Variants in MITF observed in about 807,000 individuals in gnomAD.
MITF encodes melanocyte inducing transcription factor.
MITF carries 17 observed loss-of-function variants against 60.5 expected under a neutral mutation model. The ratio of observed to expected loss-of-function variants is 0.28; its 90% CI spans 0.19 to 0.42. The LOEUF (loss-of-function observed/expected upper bound fraction) is 0.42. Ranked by LOEUF, MITF falls within the 10% of genes least tolerant of loss-of-function variation. The pLI, the probability that MITF is intolerant of heterozygous loss-of-function variation, is 1.00. For synonymous variants in MITF, 260 were observed against 248.5 expected (o/e 1.05, Z -0.43); for missense variants, 622 against 683.5 (o/e 0.91, Z 1.00).
chr3:69,838,722 A>G (rs1195187093), intron 1 of MITF: 3 of 152,652 alleles, frequency 2.0e-5, no homozygotes, highest in South Asian at 2.1e-4. Context: ...CTGTAAATCA[A>G]TATTGCCTGC....
At chr3:69,866,652 G>A (rs2064121639) in intron 1 of MITF, among the ~76,000 whole-genome samples, 1 of 152,084 alleles carries the variant, frequency 6.6e-6, no homozygotes, top group Non-Finnish European at 1.5e-5. Flanking sequence ...TACCGCGACT[G>A]CTTGAAAAAT....
At chr3:69,936,504 A>C in intron 2 of MITF, 1 of 1,133,384 alleles carries the variant, frequency 8.8e-7, no homozygotes, top group Non-Finnish European at 1.2e-6. Flanking sequence ...GGCTTCCAAA[A>C]AAAAGGCCCT....
chr3:69,765,825 C>T (rs979097453), intron 1 of MITF, among the ~76,000 whole-genome samples: 1 of 152,178 alleles, frequency 6.6e-6, no homozygotes, highest in Admixed American at 6.5e-5. Flanking sequence ...GATCCATATA[C>T]ACTTAGCCAA....
intron 1 of MITF, among the ~76,000 whole-genome samples, chr3:69,778,257 A>T (rs2062506939): frequency 6.6e-6 from 1 of 152,144 alleles, no homozygotes; most frequent in African/African-American, 2.4e-5. Context: ...GAGGATGAAT[A>T]TTAATTCTTC....
At chr3:69,951,765 C>T (rs2107519193) in intron 6 of MITF, 47 bp from the exon 7 acceptor site, 2 of 1,422,072 alleles carry the variant, frequency 1.4e-6, no homozygotes, top group Middle Eastern at 1.8e-4. Flanking sequence ...ACATTTTGTG[C>T]AACTTCAAAC....
chr3:69,808,688 T>C (rs1371443316), intron 1 of MITF, among the ~76,000 whole-genome samples: 1 of 151,886 alleles, frequency 6.6e-6, no homozygotes, highest in African/African-American at 2.4e-5. Flanking sequence ...CAGAGCCTGG[T>C]GAGGGAAGAG....
intron 1 of MITF, among the ~76,000 whole-genome samples, chr3:69,762,352 T>C (rs1201409962): frequency 6.6e-6 from 1 of 151,968 alleles, no homozygotes; most frequent in Non-Finnish European, 1.5e-5. Context: ...AAAACAATAA[T>C]AAGAAAAAAA....
In MITF at chr3:69,763,752, C is replaced by CCT. The variant is rs2062245902; in HGVS notation, c.104+24055_104+24056dup. The CCT allele has an allele frequency of 6.6e-6, 9 of 1,358,284 alleles. No individual in the cohort carries two copies. In the Admixed American group the frequency reaches 2.2e-4, roughly 33 times the overall value. The allele number at this position is 1,358,284 out of a possible 1,614,324, so 84.1% of individuals were successfully genotyped here. On this transcript the variant is annotated intron_variant, in intron 1 of 9. Transcript: ENST00000352241. ...GGTCAGTCGAGTTTGGTGTGATTGT[C>CCT]CTCTCCTTTTGCTTCTGACCTAAGT...
chr3:69,756,300 C>T (rs1243858380), intron 1 of MITF, among the ~76,000 whole-genome samples: 3 of 152,250 alleles, frequency 2.0e-5, no homozygotes, highest in Admixed American at 6.5e-5. Flanking sequence ...CAACCCCCGA[C>T]AGGCCCTGGT....
intron 1 of MITF, among the ~76,000 whole-genome samples, chr3:69,853,515 C>G (rs1363862652): frequency 6.6e-6 from 1 of 151,774 alleles, no homozygotes; most frequent in Non-Finnish European, 1.5e-5. Flanking sequence ...TAGTAAAGAC[C>G]AATAAAATGA....
intron 5 of MITF, 50 bp downstream of exon 5, chr3:69,941,381 T>A: frequency 8.2e-7 from 1 of 1,221,640 alleles, no homozygotes; most frequent in Non-Finnish European, 1.2e-6. Context: ...TTTCCAGGGT[T>A]CTTTTCTTTT....
At chr3:69,952,163 T>G (rs1330151674) in intron 7 of MITF, among the ~76,000 whole-genome samples, 2 of 152,114 alleles carry the variant, frequency 1.3e-5, no homozygotes, top group East Asian at 3.9e-4. Context: ...TCTCTCTCTT[T>G]TTGGTAAGAG....
chr3:69,853,863 CTTTT>C (rs571942610), intron 1 of MITF, among the ~76,000 whole-genome samples: 1 of 135,600 alleles, frequency 7.4e-6, no homozygotes. Context: ...TCTCTTTCGT[CTTTT>C]TTTTTTTTTT....
chr3:69,922,789 T>C (rs1335420291), intron 2 of MITF, among the ~76,000 whole-genome samples: 1 of 152,186 alleles, frequency 6.6e-6, no homozygotes, highest in Non-Finnish European at 1.5e-5. Context: ...TCTGGAAGAT[T>C]GTTTGTTTGC....
intron 1 of MITF, among the ~76,000 whole-genome samples, chr3:69,755,433 GTTTTTTTTTTTTTTTTTTTTTTTTTTTT>G (rs542141862): frequency 2.1e-3 from 73 of 35,402 alleles, no homozygotes; most frequent in Non-Finnish European, 2.9e-3. Flanking sequence ...ACCCTTCTGG[GTTTTTTTTTTTTTTTTTTTTTTTTTTTT>G]TTTTTTTTTT....
intron 4 of MITF, among the ~76,000 whole-genome samples, chr3:69,940,803 C>A (rs76919395): frequency 6.6e-6 from 1 of 152,310 alleles, no homozygotes; most frequent in East Asian, 1.9e-4. Flanking sequence ...CTGTTTAGGG[C>A]AGGCAGTTTA....
intron 1 of MITF, among the ~76,000 whole-genome samples, chr3:69,865,873 T>C (rs1418244403): frequency 6.6e-6 from 1 of 152,218 alleles, no homozygotes; most frequent in Non-Finnish European, 1.5e-5. Flanking sequence ...TCCTAGATTC[T>C]GTGACTCCAG....
At chr3:69,856,270 C>T (rs987114025) in intron 1 of MITF, among the ~76,000 whole-genome samples, 1 of 152,062 alleles carries the variant, frequency 6.6e-6, no homozygotes, top group African/African-American at 2.4e-5. Context: ...TTGCAAAAAC[C>T]ACATGGAACT....
chr3:69,742,807 A>T (rs576382569), intron 1 of MITF, among the ~76,000 whole-genome samples: 6 of 152,290 alleles, frequency 3.9e-5, no homozygotes, highest in Admixed American at 2.6e-4. Flanking sequence ...CATTCTTTAA[A>T]CATCATTCCC....
Sources: gnomAD v4.1 joint callset for allele counts (sites outside exome capture counted in the v4.1 genomes callset) on GRCh38, gnomAD v4.1.1 for gene constraint, MANE v1.5 for transcripts, NCBI Gene and HGNC (gene_info 2026-07-23, HGNC 2026-07-21) for gene names.